Variants in FGF1 observed in about 807,000 individuals in gnomAD.
FGF1 encodes fibroblast growth factor 1, also known as beta-endothelial cell growth factor.
In FGF1, 9 loss-of-function variants were observed where a neutral mutation model predicts 13.4. That is an observed-to-expected ratio of 0.67 (90% CI 0.40 to 1.17). The LOEUF (loss-of-function observed/expected upper bound fraction) is 1.17. Ranked by LOEUF, FGF1 falls within the 50% of genes most tolerant of loss-of-function variation. The pLI, the probability that FGF1 is intolerant of heterozygous loss-of-function variation, is 0.01. For missense variants in FGF1, 156 were observed against 192.7 expected, an observed-to-expected ratio of 0.81 and a Z score of 1.13; for synonymous variants, 93 against 79.0, an observed-to-expected ratio of 1.18 and a Z score of -0.94.
At chr5:142,676,798 C>T (rs987798917) in intron 1 of FGF1, among the ~76,000 whole-genome samples, 36 of 152,184 alleles carry the variant, frequency 2.4e-4, no homozygotes, top group African/African-American at 8.7e-4. Flanking sequence ...GTGTGGCCAA[C>T]TGAGTGAAGA....
intron 1 of FGF1, among the ~76,000 whole-genome samples, chr5:142,659,152 ATT>A (rs113945565): frequency 1.4e-5 from 2 of 140,520 alleles, no homozygotes; most frequent in African/African-American, 5.2e-5. Context: ...ACAGGCATGT[ATT>A]TTTTTTTTTA....
intron 2 of FGF1, among the ~76,000 whole-genome samples, chr5:142,604,601 A>G (rs1488190532): frequency 2.0e-5 from 3 of 152,194 alleles, no homozygotes; most frequent in African/African-American, 7.2e-5. Context: ...GGGCTAATGC[A>G]TGGAAAGTGG....
intron 1 of FGF1, among the ~76,000 whole-genome samples, chr5:142,676,990 C>A (rs1258834615): frequency 6.6e-6 from 1 of 152,176 alleles, no homozygotes. Context: ...TAAATACCAC[C>A]TTATCACCAA....
chr5:142,657,158 C>T (rs909133345), intron 1 of FGF1, among the ~76,000 whole-genome samples: 1 of 152,162 alleles, frequency 6.6e-6, no homozygotes, highest in Admixed American at 6.5e-5. Context: ...CTCAGGTGAT[C>T]CACCTGTCTC....
intron 1 of FGF1, among the ~76,000 whole-genome samples, chr5:142,671,016 A>C (rs932268817): frequency 1.1e-4 from 16 of 152,174 alleles, no homozygotes; most frequent in African/African-American, 3.9e-4. Context: ...TCATAAACAC[A>C]TTTCCTGAGC....
intron 1 of FGF1, among the ~76,000 whole-genome samples, chr5:142,636,755 G>A (rs547899852): frequency 1.3e-5 from 2 of 150,666 alleles, no homozygotes; most frequent in African/African-American, 5.0e-5. Flanking sequence ...GCAGGTAAAT[G>A]TGCAGAGGTC....
intron 1 of FGF1, among the ~76,000 whole-genome samples, chr5:142,639,023 A>C (rs1764732008): frequency 6.6e-6 from 1 of 152,050 alleles, no homozygotes; most frequent in Non-Finnish European, 1.5e-5. Flanking sequence ...AAAGATAACA[A>C]GTATTGGTGA....
intron 1 of FGF1, among the ~76,000 whole-genome samples, chr5:142,618,924 GTTTTGTTTTTT>G (rs1292777992): frequency 6.4e-4 from 50 of 78,324 alleles, no homozygotes; most frequent in East Asian, 4.1e-3. Flanking sequence ...TTTTTTAGTT[GTTTTGTTTTTT>G]TTTTTTTTTT....
At chr5:142,672,794 C>T (rs1407281273) in intron 1 of FGF1, among the ~76,000 whole-genome samples, 1 of 152,088 alleles carries the variant, frequency 6.6e-6, no homozygotes, top group African/African-American at 2.4e-5. Context: ...TGTGAGCCAC[C>T]GCCCCCTGCC....
chr5:142,626,350 G>A (rs969107291), intron 1 of FGF1, among the ~76,000 whole-genome samples: 10 of 152,154 alleles, frequency 6.6e-5, no homozygotes, highest in Non-Finnish European at 1.5e-4. Context: ...GGCTCAGAAA[G>A]TTTATGTCAC....
At chr5:142,681,203 A>T (rs1317616722) in intron 1 of FGF1, among the ~76,000 whole-genome samples, 1 of 152,214 alleles carries the variant, frequency 6.6e-6, no homozygotes, top group African/African-American at 2.4e-5. Context: ...GTCACATTTT[A>T]AATATAATAT....
In FGF1 at chr5:142,638,599, G is replaced by A. The variant is rs148057898; in HGVS notation, c.-34-24438C>T. On this transcript the variant is annotated intron_variant, in intron 1 of 3. Transcript: ENST00000337706. ...TAAATCTGCTAGAAGAAAACATAGG[G>A]GAAAGCTTCTTGATGCAGGTCTGGG... 3.1e-3 allele frequency among the ~76,000 whole-genome samples: 467 copies of A among 152,126 alleles called. 1 individual carries two copies. Among genetic ancestry groups the A allele is most frequent in the Non-Finnish European group, 4.9e-3 (331 of 68,030 alleles).
At chr5:142,620,270 T>G (rs954785845) in intron 1 of FGF1, among the ~76,000 whole-genome samples, 4 of 151,948 alleles carry the variant, frequency 2.6e-5, no homozygotes, top group Admixed American at 2.6e-4. Flanking sequence ...ACAAAAAAAT[T>G]AGCTGGGCAT....
intron 2 of FGF1, among the ~76,000 whole-genome samples, chr5:142,613,056 T>G (rs1195302187): frequency 2.0e-5 from 3 of 152,228 alleles, no homozygotes; most frequent in Non-Finnish European, 2.9e-5. Flanking sequence ...TCTCTTGATT[T>G]GTGGCAAGTT....
chr5:142,598,729 A>G (rs1417603116), intron 3 of FGF1, among the ~76,000 whole-genome samples: 3 of 152,188 alleles, frequency 2.0e-5, no homozygotes, highest in Non-Finnish European at 4.4e-5. Context: ...CTCTTTATCA[A>G]TGGGGAAAAT....
At chr5:142,681,917 G>T (rs540299536) in intron 1 of FGF1, among the ~76,000 whole-genome samples, 1 of 152,280 alleles carries the variant, frequency 6.6e-6, no homozygotes, top group South Asian at 2.1e-4. Context: ...AAATGTTGGG[G>T]ACCGGTCCAA....
rs77190185 is a variant in FGF1, at chr5:142,673,151, G to A, written c.-35+12806C>T. ...CAATAGTGTTTTTCTTGGAGAGCAC[G>A]GAAAACTGTTCAGGCTATTCAGGCA... is the stretch of plus-strand genomic sequence containing the variant. On this transcript the variant is annotated intron_variant, in intron 1 of 3. Transcript: ENST00000337706. 5.2e-3 allele frequency among the ~76,000 whole-genome samples: 786 copies of A among 152,148 alleles called. 5 individuals carry two copies. The highest frequency in any genetic ancestry group is 0.017 in the African/African-American group (703 of 41,496).
intron 2 of FGF1, among the ~76,000 whole-genome samples, chr5:142,610,378 G>A (rs1758787232): frequency 6.6e-6 from 1 of 152,176 alleles, no homozygotes; most frequent in Admixed American, 6.5e-5. Flanking sequence ...AGTCCAGTAG[G>A]AGGGAAAACC....
chr5:142,595,621 G>A, intron 3 of FGF1, 137 bp from the exon 4 acceptor site: 1 of 702,020 alleles, frequency 1.4e-6, no homozygotes, highest in Non-Finnish European at 2.4e-6. Flanking sequence ...GAAAATTGGG[G>A]TCATGGTGGA....
Sources: allele counts gnomAD v4.1 joint callset (sites outside exome capture counted in the v4.1 genomes callset), GRCh38; gene constraint gnomAD v4.1.1; transcripts MANE v1.5; gene names NCBI Gene and HGNC (gene_info 2026-07-23, HGNC 2026-07-21).